FYN: variants seen among roughly 807,000 people sequenced by gnomAD.
FYN encodes the protein tyrosine-protein kinase Fyn.
A neutral mutation model predicts 70.2 loss-of-function variants in FYN; 10 were observed. The ratio of observed to expected loss-of-function variants is 0.14; its 90% confidence interval spans 0.09 to 0.24. FYN has a LOEUF of 0.24. Among genes scored for constraint, FYN ranks in the 10% least tolerant of loss-of-function variants. FYN has a pLI of 1.00. For synonymous variants in FYN, 236 were observed against 248.6 expected (o/e 0.95, Z 0.48); for missense variants, 319 against 673.1 (o/e 0.47, Z 5.82).
chr6:111,665,686 AT>A (rs1196343586), intron 13 of FYN, among the ~76,000 whole-genome samples: 1 of 151,402 alleles, frequency 6.6e-6, no homozygotes, highest in Non-Finnish European at 1.5e-5. Flanking sequence ...CAGTGGTGTG[AT>A]CTCGGCTCAC....
chr6:111,735,715 G>A (rs1801680104), intron 3 of FYN, among the ~76,000 whole-genome samples: 1 of 152,132 alleles, frequency 6.6e-6, no homozygotes, highest in South Asian at 2.1e-4. Flanking sequence ...GGCTGGACAG[G>A]GAGGTATCTA....
rs556053268 is a variant in FYN, at chr6:111,795,356, A to AAG, written c.-81-14723_-81-14722dup. ...AGAAAAGACAGCCATCTACAAGCCA[A>AAG]AGAGAGAGGCCTCAGGAGAAACCAA... is the stretch of plus-strand genomic sequence containing the variant. On this transcript the variant is annotated intron_variant, in intron 2 of 13. Transcript: ENST00000354650. Among the ~76,000 whole-genome samples the AAG allele has an allele frequency of 1.8e-3, 273 of 152,332 alleles. 1 individual carries two copies. Among genetic ancestry groups the AAG allele is most frequent in the African/African-American group, 5.1e-3 (214 of 41,570 alleles).
chr6:111,780,080 C>T (rs1053713832), intron 3 of FYN, among the ~76,000 whole-genome samples: 2 of 152,152 alleles, frequency 1.3e-5, no homozygotes, highest in African/African-American at 4.8e-5. Context: ...CGTTCTTGGT[C>T]TCCCAAGACC....
intron 4 of FYN, among the ~76,000 whole-genome samples, chr6:111,717,760 G>A (rs960935485): frequency 5.9e-5 from 9 of 152,088 alleles, no homozygotes; most frequent in African/African-American, 9.7e-5. Context: ...TACTGCACCC[G>A]GCCAGAGTCC....
intron 1 of FYN, among the ~76,000 whole-genome samples, chr6:111,857,348 G>A (rs952063117): frequency 2.1e-4 from 32 of 152,134 alleles, no homozygotes; most frequent in Non-Finnish European, 4.0e-4. Flanking sequence ...GTCCTTCTCA[G>A]GGAAAAACTG....
At chr6:111,768,916 A>G (rs1803332809) in intron 3 of FYN, among the ~76,000 whole-genome samples, 1 of 152,238 alleles carries the variant, frequency 6.6e-6, no homozygotes, top group South Asian at 2.1e-4. Flanking sequence ...TAAAGAAATG[A>G]AAAGGCTTTG....
intron 3 of FYN, among the ~76,000 whole-genome samples, chr6:111,778,331 G>A (rs17072888): frequency 0.033 from 5,009 of 152,210 alleles, 141 homozygotes; most frequent in East Asian, 0.14. Context: ...GACTTACTTC[G>A]AAGGTGACTA....
At chr6:111,685,150 A>G (rs1432870580) in intron 12 of FYN, among the ~76,000 whole-genome samples, 2 of 152,240 alleles carry the variant, frequency 1.3e-5, no homozygotes, top group Non-Finnish European at 2.9e-5. Context: ...ACTGCTGCCC[A>G]GGGTGGTGAG....
chr6:111,773,353 A>G (rs1583429825), intron 3 of FYN, among the ~76,000 whole-genome samples: 3 of 26,188 alleles, frequency 1.1e-4, no homozygotes, highest in African/African-American at 1.7e-4. Flanking sequence ...AGGGAGAGGG[A>G]AAGGGAGAGG....
intron 1 of FYN, among the ~76,000 whole-genome samples, chr6:111,859,180 C>G (rs769052099): frequency 3.3e-5 from 5 of 152,180 alleles, no homozygotes; most frequent in Non-Finnish European, 5.9e-5. Context: ...CCAATCCAAG[C>G]TCACGCCCCT....
chr6:111,868,700 G>A (rs1397823380), intron 1 of FYN, among the ~76,000 whole-genome samples: 11 of 152,110 alleles, frequency 7.2e-5, no homozygotes, highest in African/African-American at 2.4e-4. Context: ...CAAAGGCTTT[G>A]GAACCAAACT....
chr6:111,720,307 G>T (rs921464128), intron 3 of FYN, among the ~76,000 whole-genome samples: 1 of 152,142 alleles, frequency 6.6e-6, no homozygotes. Context: ...TGTTCACCAT[G>T]CAGCAACTTT....
chr6:111,722,171 T>C (rs1480633410), intron 3 of FYN, among the ~76,000 whole-genome samples: 2 of 152,128 alleles, frequency 1.3e-5, no homozygotes, highest in African/African-American at 4.8e-5. Context: ...TTTCAATAAA[T>C]ACTTATTGAA....
intron 2 of FYN, among the ~76,000 whole-genome samples, chr6:111,823,060 G>A (rs1772723146): frequency 6.6e-6 from 1 of 152,240 alleles, no homozygotes; most frequent in Non-Finnish European, 1.5e-5. Flanking sequence ...TGAGCTGGGA[G>A]CAAGTGAGAT....
At chr6:111,784,303 T>G (rs974662012) in intron 2 of FYN, among the ~76,000 whole-genome samples, 2 of 152,198 alleles carry the variant, frequency 1.3e-5, no homozygotes, top group Non-Finnish European at 2.9e-5. Flanking sequence ...TTCAATTACC[T>G]GCAGCTGGAA....
At chr6:111,817,495 C>G (rs903227383) in intron 2 of FYN, among the ~76,000 whole-genome samples, 6 of 152,108 alleles carry the variant, frequency 3.9e-5, no homozygotes, top group African/African-American at 1.4e-4. Context: ...AATAAATGCC[C>G]TCGTAGCTAT....
intron 3 of FYN, among the ~76,000 whole-genome samples, chr6:111,745,892 C>T (rs1249002801): frequency 1.3e-5 from 2 of 152,194 alleles, no homozygotes; most frequent in East Asian, 1.9e-4. Flanking sequence ...AGTAATGTTT[C>T]CCCTGTGCAA....
intron 2 of FYN, among the ~76,000 whole-genome samples, chr6:111,800,959 C>G (rs1771963728): frequency 6.6e-6 from 1 of 152,228 alleles, no homozygotes; most frequent in Non-Finnish European, 1.5e-5. Flanking sequence ...AGTCTAATCA[C>G]TATTTGCTCG....
intron 2 of FYN, among the ~76,000 whole-genome samples, chr6:111,822,836 G>A (rs1772714987): frequency 1.3e-5 from 2 of 152,108 alleles, no homozygotes; most frequent in South Asian, 4.1e-4. Flanking sequence ...GGGAATGCAT[G>A]TCAACCACAC....
Sources: gnomAD v4.1 joint callset for allele counts (sites outside exome capture counted in the v4.1 genomes callset) on GRCh38, gnomAD v4.1.1 for gene constraint, MANE v1.5 for transcripts, NCBI Gene and HGNC (gene_info 2026-07-23, HGNC 2026-07-21) for gene names.